The following CNTNAP2 variants were observed in gnomAD, a reference collection of about 807,000 sequenced individuals.
CNTNAP2 encodes the protein contactin associated protein 2.
CNTNAP2 carries 98 observed loss-of-function variants against 155.2 expected under a neutral mutation model. The observed-to-expected ratio is 0.63, with a 90% CI of 0.54 to 0.75. CNTNAP2 has a LOEUF of 0.75. Ranked by LOEUF, CNTNAP2 falls within the 30% of genes least tolerant of loss-of-function variation. The probability of loss-of-function intolerance (pLI) is 0.00; values close to 1 mark genes in which losing one functional copy is unlikely to be tolerated. For synonymous variants in CNTNAP2, 651 were observed against 631.2 expected (o/e 1.03, Z -0.47); for missense variants, 1,727 against 1,688.1 (o/e 1.02, Z -0.40).
rs542124854 is a variant in CNTNAP2, at chr7:146,308,411, A to T, written c.97+191438A>T. ...TAAACTAGTTCAACCATTGTGGAAG[A>T]CAGTGTGGCGATTCCTCAGGGATCT... is the stretch of plus-strand genomic sequence containing the variant. On this transcript the variant is annotated intron_variant, in intron 1 of 23. Transcript: ENST00000361727. 4.5e-3 allele frequency among the ~76,000 whole-genome samples: 688 copies of T among 152,296 alleles called. 5 individuals are homozygous for T. The highest frequency in any genetic ancestry group is 0.015 in the African/African-American group (640 of 41,554).
At chr7:147,425,472 C>A (rs906505470) in intron 10 of CNTNAP2, among the ~76,000 whole-genome samples, 9 of 138,974 alleles carry the variant, frequency 6.5e-5, no homozygotes, top group Non-Finnish European at 1.2e-4. Context: ...TCACTCAACT[C>A]TCCTGAAAAA....
At chr7:148,176,211 C>CTTTTTTT (rs1188113801) in intron 18 of CNTNAP2, among the ~76,000 whole-genome samples, 14 of 92,802 alleles carry the variant, frequency 1.5e-4, no homozygotes, top group East Asian at 3.9e-4. Flanking sequence ...CTTTCTTTCT[C>CTTTTTTT]TTTTTTTTTT....
rs1429888583 is a variant in CNTNAP2 at position 147,189,953 on chromosome 7, C to T, written c.1348+57444C>T. On this transcript the variant is annotated intron_variant, in intron 8 of 23. Transcript: ENST00000361727. Reference sequence around the variant, plus strand: ...TAGAGATGGGGTTTCACCGTGTTAGCCAGGATGATCTCCATCTCTTGACCT... The same window carrying T: ...TAGAGATGGGGTTTCACCGTGTTAGTCAGGATGATCTCCATCTCTTGACCT... 2.6e-5 allele frequency among the ~76,000 whole-genome samples: 4 copies of T among 152,202 alleles called. No individual in the cohort carries two copies. The East Asian group carries it at 7.7e-4, about 29-fold the overall frequency.
At chr7:146,911,420 T>C (rs1055900075) in intron 3 of CNTNAP2, among the ~76,000 whole-genome samples, 7 of 152,002 alleles carry the variant, frequency 4.6e-5, no homozygotes, top group Non-Finnish European at 8.8e-5. Context: ...TGTCCAACAA[T>C]GATAGACTGG....
At chr7:148,054,948 T>A (rs181264349) in intron 15 of CNTNAP2, among the ~76,000 whole-genome samples, 2 of 149,296 alleles carry the variant, frequency 1.3e-5, no homozygotes, top group African/African-American at 4.9e-5. Context: ...AGTACCACAA[T>A]CTCTGCTCAC....
At chr7:147,365,238 T>C (rs1479843844) in intron 9 of CNTNAP2, among the ~76,000 whole-genome samples, 1 of 151,840 alleles carries the variant, frequency 6.6e-6, no homozygotes, top group South Asian at 2.1e-4. Context: ...ACCCCGTCTC[T>C]ACTACAAATA....
chr7:146,637,041 A>T (rs1799611465), intron 1 of CNTNAP2, among the ~76,000 whole-genome samples: 1 of 152,244 alleles, frequency 6.6e-6, no homozygotes, highest in South Asian at 2.1e-4. Flanking sequence ...TTTGGGCAAT[A>T]ATGTCAGCAA....
chr7:148,367,928 T>C (rs184125086), intron 21 of CNTNAP2, among the ~76,000 whole-genome samples: 32 of 152,202 alleles, frequency 2.1e-4, no homozygotes, highest in African/African-American at 5.3e-4. Flanking sequence ...ACGGTAATGA[T>C]AGGACTAGAG....
intron 21 of CNTNAP2, among the ~76,000 whole-genome samples, chr7:148,292,921 G>A (rs1447221545): frequency 6.6e-6 from 1 of 151,390 alleles, no homozygotes; most frequent in Non-Finnish European, 1.5e-5. Context: ...ACAAGTAGCA[G>A]ATGGCTATAA....
chr7:148,378,676 C>T lies in CNTNAP2; in HGVS notation c.3476-4973C>T, dbSNP rs1298284762. Among the ~76,000 whole-genome samples the T allele has an allele frequency of 4.5e-5, 3 of 66,880 alleles. 1 individual carries two copies. Among genetic ancestry groups the T allele is most frequent in the Non-Finnish European group, 8.3e-5 (2 of 24,018 alleles). 43.9% of individuals were successfully genotyped at this position (66,880 alleles called of 152,430 possible). On this transcript the variant is annotated intron_variant, in intron 21 of 23. Transcript: ENST00000361727. ...GCCAGTACCGCTTGCTGTCACGATA[C>T]GGTGGTGCTAAAAATACGTAATATA...
intron 3 of CNTNAP2, among the ~76,000 whole-genome samples, chr7:147,033,147 C>CATATATATATATGTATATATAT (rs1283103958): frequency 2.3e-5 from 2 of 86,978 alleles, no homozygotes; most frequent in East Asian, 3.6e-4. Flanking sequence ...GATATTGCTG[C>CATATATATATATGTATATATAT]ATATATATAT....
intron 8 of CNTNAP2, among the ~76,000 whole-genome samples, chr7:147,150,546 T>C (rs1041637585): frequency 4.6e-5 from 7 of 152,176 alleles, no homozygotes; most frequent in African/African-American, 1.7e-4. Flanking sequence ...GTAAGTAGTC[T>C]AAGAATTATT....
intron 1 of CNTNAP2, among the ~76,000 whole-genome samples, chr7:146,172,849 T>G (rs1248319455): frequency 1.3e-5 from 2 of 152,162 alleles, no homozygotes; most frequent in Non-Finnish European, 1.5e-5. Flanking sequence ...CAGGGGAAGA[T>G]CATGGTCTGA....
At chr7:147,219,868 C>T (rs530233240) in intron 8 of CNTNAP2, among the ~76,000 whole-genome samples, 16 of 152,120 alleles carry the variant, frequency 1.1e-4, no homozygotes, top group Non-Finnish European at 2.1e-4. Flanking sequence ...CTCCGCCTCC[C>T]GGGTTCACGC....
At chr7:146,653,176 G>A (rs1284537925) in intron 1 of CNTNAP2, among the ~76,000 whole-genome samples, 1 of 152,050 alleles carries the variant, frequency 6.6e-6, no homozygotes, top group Admixed American at 6.6e-5. Flanking sequence ...CCATTTTAAA[G>A]TTTCCTTAAC....
chr7:146,271,969 T>C lies in CNTNAP2; in HGVS notation c.97+154996T>C, dbSNP rs187951085. Among the ~76,000 whole-genome samples, 3 of 152,336 alleles carry C rather than the reference T, an allele frequency of 2.0e-5. No individual in the cohort carries two copies. The East Asian group carries it at 5.8e-4, about 29-fold the overall frequency. On this transcript the variant is annotated intron_variant, in intron 1 of 23. Coordinates refer to ENST00000361727, the MANE Select transcript of CNTNAP2 (RefSeq NM_014141.6). ...TCTTCTACCAATAAATTCCATCTTC[T>C]ACCAATAAATTCATGAAAACATTTA... is the stretch of plus-strand genomic sequence containing the variant.
At chr7:147,029,492 C>T (rs1798986280) in intron 3 of CNTNAP2, among the ~76,000 whole-genome samples, 1 of 150,172 alleles carries the variant, frequency 6.7e-6, no homozygotes, top group Admixed American at 6.6e-5. Flanking sequence ...AGAAGTTTTG[C>T]AGTGAAAGGG....
intron 21 of CNTNAP2, among the ~76,000 whole-genome samples, chr7:148,311,869 G>C (rs921133797): frequency 1.3e-5 from 2 of 152,150 alleles, no homozygotes; most frequent in Admixed American, 1.3e-4. Flanking sequence ...ATGTCAAGTG[G>C]ATCAGAGAGA....
At chr7:147,156,736 G>T (rs1423546047) in intron 8 of CNTNAP2, among the ~76,000 whole-genome samples, 1 of 152,096 alleles carries the variant, frequency 6.6e-6, no homozygotes, top group African/African-American at 2.4e-5. Flanking sequence ...GACCTTTACA[G>T]TTCTTCCCCA....
Sources: gnomAD v4.1 joint callset for allele counts (sites outside exome capture counted in the v4.1 genomes callset) on GRCh38, gnomAD v4.1.1 for gene constraint, MANE v1.5 for transcripts, NCBI Gene and HGNC (gene_info 2026-07-23, HGNC 2026-07-21) for gene names.